SYNE1: variants seen among roughly 807,000 people sequenced by gnomAD.
SYNE1 encodes the protein spectrin repeat containing nuclear envelope protein 1.
In SYNE1, 616 loss-of-function variants were observed where a neutral mutation model predicts 1,111.0. The observed-to-expected ratio is 0.55, with a 90% CI of 0.52 to 0.59. The LOEUF is 0.59. SYNE1 is among the 20% of genes least tolerant of loss of function. SYNE1 has a pLI of 0.00. For synonymous variants in SYNE1, 3,855 were observed against 3,825.8 expected, an observed-to-expected ratio of 1.01 and a Z score of -0.28; for missense variants, 10,006 against 10,417.0, an observed-to-expected ratio of 0.96 and a Z score of 1.72.
intron 5 of SYNE1, among the ~76,000 whole-genome samples, chr6:152,524,630 C>A (rs2099155025): frequency 6.6e-6 from 1 of 152,024 alleles, no homozygotes; most frequent in Admixed American, 6.6e-5. Context: ...CCTTCCAAAG[C>A]AGAGCTTGAG....
intron 131 of SYNE1, among the ~76,000 whole-genome samples, chr6:152,160,188 A>G (rs2062173795): frequency 6.6e-6 from 1 of 152,056 alleles, no homozygotes; most frequent in African/African-American, 2.4e-5. Context: ...TTGTATTTTT[A>G]GTAGAGACGG....
In SYNE1 at chr6:152,180,274, T is replaced by G; in HGVS notation, c.23322A>C (p.Gln7774His). Residue 7774 changes from glutamine to histidine, a missense_variant, in exon 129 of 146, where the codon CAA becomes CAC. Gln to His is a conservative substitution (Grantham distance 24). Transcript: ENST00000367255. ...CCCATTCATTCAATCTTTCACCTAT[T>G]TGCTGCCGCCTTAAGGAGAGCTGAA... ...LCHQLSLRRQ[Q>H]IGERLNEWAV... 6.2e-7 allele frequency: 1 copy of G among 1,614,102 alleles called. No individual in the cohort carries two copies. Among genetic ancestry groups the G allele is most frequent in the Middle Eastern group, 1.7e-4 (1 of 6,060 alleles).
intron 3 of SYNE1, among the ~76,000 whole-genome samples, chr6:152,627,045 G>C (rs1391769474): frequency 6.6e-6 from 1 of 152,168 alleles, no homozygotes; most frequent in Non-Finnish European, 1.5e-5. Flanking sequence ...TAAAAGTCAA[G>C]CTATAACATT....
intron 130 of SYNE1, among the ~76,000 whole-genome samples, chr6:152,174,796 T>C (rs1187104305): frequency 1.3e-5 from 2 of 152,174 alleles, no homozygotes; most frequent in African/African-American, 2.4e-5. Flanking sequence ...CAAAGGACAT[T>C]ATGAACAATA....
chr6:152,636,230 G>GCTCCTAGAATC (rs2099705744), intron 2 of SYNE1, among the ~76,000 whole-genome samples: 1 of 152,060 alleles, frequency 6.6e-6, no homozygotes, highest in Non-Finnish European at 1.5e-5. Flanking sequence ...TAGTCAGGGG[G>GCTCCTAGAATC]TGGAGGAAGG....
intron 78 of SYNE1, among the ~76,000 whole-genome samples, chr6:152,328,232 C>T (rs1252599062): frequency 6.6e-6 from 1 of 152,128 alleles, no homozygotes; most frequent in African/African-American, 2.4e-5. Context: ...GCTATAGCTG[C>T]TGTATTATCC....
At chr6:152,301,599 C>T (rs991457006) in intron 92 of SYNE1, among the ~76,000 whole-genome samples, 2 of 152,150 alleles carry the variant, frequency 1.3e-5, no homozygotes, top group African/African-American at 2.4e-5. Context: ...AGTATTATTG[C>T]GAAATTATAA....
intron 98 of SYNE1, among the ~76,000 whole-genome samples, chr6:152,273,788 A>C (rs2093390181): frequency 6.6e-6 from 1 of 152,158 alleles, no homozygotes; most frequent in Non-Finnish European, 1.5e-5. Context: ...TAGACAGGAG[A>C]CCAGCTTGCC....
chr6:152,540,547 G>T (rs2099264407), intron 3 of SYNE1, among the ~76,000 whole-genome samples: 1 of 152,218 alleles, frequency 6.6e-6, no homozygotes, highest in African/African-American at 2.4e-5. Flanking sequence ...ACACTGGAGT[G>T]ACCTCCAAAA....
At chr6:152,440,161 C>A (rs930933776) in intron 32 of SYNE1, among the ~76,000 whole-genome samples, 1 of 152,156 alleles carries the variant, frequency 6.6e-6, no homozygotes, top group Non-Finnish European at 1.5e-5. Flanking sequence ...TGCCACCCCA[C>A]CGCCCTTATT....
At chr6:152,145,486 C>A in intron 137 of SYNE1, 1 of 1,613,740 alleles carries the variant, frequency 6.2e-7, no homozygotes, top group Non-Finnish European at 8.5e-7. Context: ...GTTGTGCCTA[C>A]CGGAGGTATT....
chr6:152,237,003 T>C (rs2084260926), intron 108 of SYNE1, 55 bp from the exon 109 acceptor site: 27 of 1,603,082 alleles, frequency 1.7e-5, no homozygotes, highest in Non-Finnish European at 2.2e-5. Context: ...GCGAAAGACA[T>C]TCTTCCTTGG....
At chr6:152,522,139 T>C (rs1375322670) in intron 5 of SYNE1, among the ~76,000 whole-genome samples, 1 of 152,068 alleles carries the variant, frequency 6.6e-6, no homozygotes, top group Non-Finnish European at 1.5e-5. Flanking sequence ...GAAGGAATAA[T>C]ATAGTGGTGA....
chr6:152,600,819 A>C (rs2128640556), intron 3 of SYNE1, among the ~76,000 whole-genome samples: 1 of 152,316 alleles, frequency 6.6e-6, no homozygotes, highest in African/African-American at 2.4e-5. Context: ...ACAGTCAGAA[A>C]ATTTTTCAGT....
intron 98 of SYNE1, among the ~76,000 whole-genome samples, chr6:152,273,806 A>G (rs2093392669): frequency 2.0e-5 from 3 of 152,322 alleles, no homozygotes; most frequent in African/African-American, 7.2e-5. Context: ...GCCAAGGGCC[A>G]GGCTGGGCCT....
At chr6:152,399,920 T>C (rs554846819) in intron 47 of SYNE1, 97 bp from the exon 48 acceptor site, 30 of 1,331,888 alleles carry the variant, frequency 2.3e-5, no homozygotes, top group East Asian at 1.2e-4. Flanking sequence ...GAAATTGACA[T>C]TGTTGAATCC....
chr6:152,299,181 TC>T, intron 93 of SYNE1, among the ~76,000 whole-genome samples: 1 of 152,322 alleles, frequency 6.6e-6, no homozygotes, highest in South Asian at 2.1e-4. Context: ...GTATATTTTT[TC>T]CACAAAGTCT....
chr6:152,234,138 G>A (rs770472163), intron 111 of SYNE1, among the ~76,000 whole-genome samples, 175 bp from the exon 112 acceptor site: 7 of 152,152 alleles, frequency 4.6e-5, no homozygotes, highest in Non-Finnish European at 1.0e-4. Context: ...AGGAAACTAC[G>A]AAGCCCCGAC....
At chr6:152,167,817 C>G (rs748849020) in intron 130 of SYNE1, 3 of 612,052 alleles carry the variant, frequency 4.9e-6, no homozygotes, top group Non-Finnish European at 9.6e-6. Flanking sequence ...GTCTCAGCCT[C>G]TCTACTCTAG....
Sources: gnomAD v4.1 joint callset for allele counts (sites outside exome capture counted in the v4.1 genomes callset) on GRCh38, gnomAD v4.1.1 for gene constraint, MANE v1.5 for transcripts, NCBI Gene and HGNC (gene_info 2026-07-23, HGNC 2026-07-21) for gene names.